TNR: variants seen among roughly 807,000 people sequenced by gnomAD.
TNR encodes tenascin R, also known as tenascin-R.
A neutral mutation model predicts 150.4 loss-of-function variants in TNR; 45 were observed. The observed-to-expected ratio is 0.30, with a 90% CI of 0.24 to 0.38. The LOEUF is 0.38. Among genes scored for constraint, TNR ranks in the 10% least tolerant of loss-of-function variants. The pLI, the probability that TNR is intolerant of heterozygous loss-of-function variation, is 1.00. For missense variants in TNR, 1,544 were observed against 1,759.1 expected (o/e 0.88, Z 2.19); for synonymous variants, 687 against 678.4 (o/e 1.01, Z -0.20).
intron 2 of TNR, among the ~76,000 whole-genome samples, chr1:175,514,653 T>C (rs780969826): frequency 1.8e-4 from 27 of 152,202 alleles, no homozygotes; most frequent in Admixed American, 9.8e-4. Context: ...CAGTTTTAAA[T>C]GCCAAAACTA....
chr1:175,514,051 G>C (rs859354), intron 2 of TNR, among the ~76,000 whole-genome samples: 1 of 152,200 alleles, frequency 6.6e-6, no homozygotes, highest in African/African-American at 2.4e-5. Context: ...GAATAATGAC[G>C]CCTCAAAGAC....
chr1:175,733,988 G>T (rs1667709520), intron 1 of TNR, among the ~76,000 whole-genome samples: 1 of 152,164 alleles, frequency 6.6e-6, no homozygotes. Flanking sequence ...ATCTTATTTG[G>T]TCAGCCAACC....
intron 11 of TNR, among the ~76,000 whole-genome samples, 180 bp from the exon 12 acceptor site, chr1:175,365,459 C>T (rs1304533943): frequency 6.6e-6 from 1 of 152,134 alleles, no homozygotes; most frequent in Non-Finnish European, 1.5e-5. Flanking sequence ...TTTTCCAATC[C>T]AAATATAGGA....
At chr1:175,663,142 A>C (rs983416293) in intron 1 of TNR, among the ~76,000 whole-genome samples, 3 of 152,086 alleles carry the variant, frequency 2.0e-5, no homozygotes, top group African/African-American at 7.2e-5. Flanking sequence ...GAACCATTAG[A>C]ATCCAGGAGC....
intron 2 of TNR, among the ~76,000 whole-genome samples, chr1:175,524,340 G>C (rs1362700880): frequency 6.6e-6 from 1 of 152,132 alleles, no homozygotes; most frequent in East Asian, 1.9e-4. Flanking sequence ...TAAATGGTGA[G>C]AAGTGAATGG....
intron 1 of TNR, among the ~76,000 whole-genome samples, chr1:175,689,837 C>T (rs993422488): frequency 6.6e-6 from 1 of 152,234 alleles, no homozygotes; most frequent in Non-Finnish European, 1.5e-5. Flanking sequence ...GGGTTTCTTT[C>T]TCACTAAGTC....
intron 1 of TNR, among the ~76,000 whole-genome samples, chr1:175,649,119 C>A (rs576724676): frequency 3.5e-4 from 54 of 152,220 alleles, no homozygotes; most frequent in Non-Finnish European, 6.6e-4. Flanking sequence ...GCATGAGGAC[C>A]AATTCGGCCA....
At chr1:175,696,218 T>TAGTTTTG (rs1553254711) in intron 1 of TNR, among the ~76,000 whole-genome samples, 1 of 49,236 alleles carries the variant, frequency 2.0e-5, no homozygotes, top group Non-Finnish European at 3.9e-5. Flanking sequence ...CTTCCTGTAG[T>TAGTTTTG]TTTTTTTTTT....
intron 2 of TNR, among the ~76,000 whole-genome samples, chr1:175,458,898 T>A (rs1440179150): frequency 6.6e-6 from 1 of 151,896 alleles, no homozygotes; most frequent in African/African-American, 2.4e-5. Context: ...GTCCTCCAAC[T>A]GTCATCATCG....
At chr1:175,405,592 T>TGA (rs754978943) in intron 3 of TNR, among the ~76,000 whole-genome samples, 1 of 146,506 alleles carries the variant, frequency 6.8e-6, no homozygotes, top group Non-Finnish European at 1.5e-5. Flanking sequence ...TGTGCATGCG[T>TGA]GAGAGAGAGA....
chr1:175,605,438 G>C (rs760897109), intron 1 of TNR, among the ~76,000 whole-genome samples: 3 of 152,124 alleles, frequency 2.0e-5, no homozygotes, highest in Non-Finnish European at 4.4e-5. Flanking sequence ...TATATAATGA[G>C]CACCTATCAT....
At chr1:175,500,409 C>G (rs1428660626) in intron 2 of TNR, among the ~76,000 whole-genome samples, 2 of 152,216 alleles carry the variant, frequency 1.3e-5, no homozygotes, top group Non-Finnish European at 2.9e-5. Context: ...CCCAGTGTCT[C>G]TGACCTAGCT....
intron 2 of TNR, among the ~76,000 whole-genome samples, chr1:175,453,248 C>G (rs1656404364): frequency 6.6e-6 from 1 of 152,038 alleles, no homozygotes; most frequent in Non-Finnish European, 1.5e-5. Context: ...GCAGAAACTC[C>G]CACTAATGCC....
intron 1 of TNR, among the ~76,000 whole-genome samples, chr1:175,734,221 C>A (rs1667716420): frequency 1.3e-5 from 2 of 152,208 alleles, no homozygotes; most frequent in African/African-American, 2.4e-5. Context: ...TCAAAATACA[C>A]CCTTCCTGCC....
intron 1 of TNR, among the ~76,000 whole-genome samples, chr1:175,623,622 T>G (rs6683221): frequency 0.48 from 72,295 of 152,138 alleles, 18,363 homozygotes; most frequent in African/African-American, 0.68. Context: ...ATATACTGTT[T>G]CCTTTCCATG....
rs777893219 is a variant in TNR at position 175,320,644 on chromosome 1, T to C, written c.*2713A>G. 1 of 152,024 alleles carries C rather than the reference T, an allele frequency of 6.6e-6. No individual in the cohort carries two copies. Among genetic ancestry groups the C allele is most frequent in the African/African-American group, 2.4e-5 (1 of 41,468 alleles). The allele number at this position is 152,024 out of a possible 1,614,324, so 9.4% of individuals were successfully genotyped here. On this transcript the variant is annotated 3_prime_UTR_variant, in exon 23 of 23. Coordinates refer to ENST00000367674, the MANE Select transcript of TNR (RefSeq NM_003285.3). ...CCCAGGTACCTGGTCTCTGTTTTTA[T>C]GGACAAAAAGAGTTCAGCCTCTCAC...
intron 2 of TNR, among the ~76,000 whole-genome samples, chr1:175,527,803 T>A (rs1659905259): frequency 6.6e-6 from 1 of 152,224 alleles, no homozygotes; most frequent in Non-Finnish European, 1.5e-5. Context: ...ATGACAGGTT[T>A]TTCCTCCAGC....
intron 1 of TNR, among the ~76,000 whole-genome samples, chr1:175,675,702 T>C (rs1218017426): frequency 6.6e-6 from 1 of 152,168 alleles, no homozygotes; most frequent in African/African-American, 2.4e-5. Context: ...TCCTTAGCCT[T>C]GCTGCTACCT....
intron 2 of TNR, among the ~76,000 whole-genome samples, chr1:175,464,924 G>GGA (rs1045420275): frequency 1.3e-5 from 2 of 152,068 alleles, no homozygotes; most frequent in South Asian, 2.1e-4. Flanking sequence ...GTCTTGGAGG[G>GGA]GAGAGAGAGA....
Sources: gnomAD v4.1 joint callset for allele counts (sites outside exome capture counted in the v4.1 genomes callset) on GRCh38, gnomAD v4.1.1 for gene constraint, MANE v1.5 for transcripts, NCBI Gene and HGNC (gene_info 2026-07-23, HGNC 2026-07-21) for gene names.